ZNF518B: variants seen among roughly 807,000 people sequenced by gnomAD.
The protein encoded by ZNF518B is zinc finger protein 518B.
In ZNF518B, 23 loss-of-function variants were observed where a neutral mutation model predicts 56.3. The observed-to-expected ratio is 0.41, with a 90% CI of 0.29 to 0.58. The LOEUF is 0.58. Ranked by LOEUF, ZNF518B falls within the 20% of genes least tolerant of loss-of-function variation. ZNF518B has a pLI of 0.32. For synonymous variants in ZNF518B, 529 were observed against 465.9 expected (o/e 1.14, Z -1.74); for missense variants, 1,460 against 1,272.1 (o/e 1.15, Z -2.25).
chr4:10,461,335 G>A (rs1239466882), upstream of ZNF518B, among the ~76,000 whole-genome samples: 1 of 152,184 alleles, frequency 6.6e-6, no homozygotes, highest in South Asian at 2.1e-4. Flanking sequence ...CGGCCGCCGC[G>A]GCTGCCGCGG....
chr4:10,458,143 G>T (rs965694434), upstream of ZNF518B, among the ~76,000 whole-genome samples: 3 of 152,096 alleles, frequency 2.0e-5, no homozygotes, highest in African/African-American at 7.2e-5. Context: ...CTGCATCTAC[G>T]GTCCGGAAGG....
intron 2 of ZNF518B, among the ~76,000 whole-genome samples, chr4:10,448,769 G>A (rs1429179006): frequency 6.6e-6 from 1 of 152,090 alleles, no homozygotes; most frequent in Admixed American, 6.5e-5. Flanking sequence ...CAATACATGG[G>A]CAAAGATAAG....
rs1714907133 is a variant in ZNF518B at position 10,444,771 on chromosome 4, A to G, written c.1558T>C (p.Leu520=). 6.2e-7 allele frequency: 1 copy of G among 1,613,748 alleles called. No individual in the cohort carries two copies. Among genetic ancestry groups the G allele is most frequent in the Non-Finnish European group, 8.5e-7 (1 of 1,179,794 alleles). ...AVCFAESGRN[L]HSSSQQLLPF... The stretch of plus-strand genomic sequence containing the variant: ...AGTAACTGCTGTGAGCTACTGTGTA[A>G]ATTTCTTCCACTTTCAGCAAAACAA... The change falls in exon 3 of 3, where the codon TTA becomes CTA. Residue 520 remains leucine, a synonymous_variant. Coordinates refer to ENST00000326756, the MANE Select transcript of ZNF518B (RefSeq NM_053042.3).
chr4:10,452,634 A>G (rs563079912), intron 2 of ZNF518B: 65 of 152,346 alleles, frequency 4.3e-4, no homozygotes, highest in Admixed American at 3.6e-3. Context: ...CATCTGGGCC[A>G]TAACTGAATT....
rs1006751980 is a variant in ZNF518B at position 10,440,991 on chromosome 4, T to G, written c.*2113A>C. 1 of 152,590 alleles carries G rather than the reference T, an allele frequency of 6.6e-6. No individual in the cohort carries two copies. Among genetic ancestry groups the G allele is most frequent in the Admixed American group, 6.5e-5 (1 of 15,278 alleles). 9.5% of individuals were successfully genotyped at this position (152,590 alleles called of 1,614,324 possible). A position where few individuals can be genotyped will look rare whatever the true frequency, so the allele number is the denominator to read the frequency against. ...ACTTCGAATGCTCTACGTAGTGAAG[T>G]GGTACCAAAGATCTACTTCCTAAAA... On this transcript the variant is annotated 3_prime_UTR_variant, in exon 3 of 3. Coordinates refer to ENST00000326756, the MANE Select transcript of ZNF518B (RefSeq NM_053042.3).
In ZNF518B at chr4:10,445,570, T is replaced by G. The variant is rs73224493; in HGVS notation, c.759A>C (p.Gln253His). The change falls in exon 3 of 3, where the codon CAA (glutamine) becomes CAC (histidine). Residue 253 changes from glutamine to histidine, a missense_variant. By Grantham distance (24) the Gln-to-His change is conservative (BLOSUM62 0). Transcript: ENST00000326756. ...LKASNPRTTF[Q>H]NKWSDQLSGF... ...CTGACAGTTGGTCTGACCACTTATT[T>G]TGAAATGTAGTCCGTGGATTGGAAG... 30,300 of 1,614,130 alleles carry G rather than the reference T, an allele frequency of 0.019. 323 individuals carry two copies. Among genetic ancestry groups the G allele is most frequent in the Non-Finnish European group, 0.021 (25,163 of 1,179,998 alleles).
chr4:10,443,526 TAATC>T lies in ZNF518B; in HGVS notation c.2799_2802del (p.Ile934SerfsTer12), dbSNP rs749411968. On this transcript the variant is annotated frameshift_variant, in exon 3 of 3. Transcript: ENST00000326756. LOFTEE classifies it high-confidence loss of function. ...ACTGGCTGGTTCCGACGGGGACACTTAATCAACTGATCTGGCTTAGCTGCTATCA... is the reference window on the plus strand; with the variant it reads ...ACTGGCTGGTTCCGACGGGGACACTTAACTGATCTGGCTTAGCTGCTATCA... The T allele has an allele frequency of 6.2e-7, 1 of 1,614,040 alleles. No homozygotes were observed. The highest frequency in any genetic ancestry group is 8.5e-7 in the Non-Finnish European group (1 of 1,179,860).
intron 2 of ZNF518B, among the ~76,000 whole-genome samples, chr4:10,449,148 T>A (rs1197700309): frequency 6.6e-6 from 1 of 152,196 alleles, no homozygotes; most frequent in Non-Finnish European, 1.5e-5. Context: ...GCCTAAGGAA[T>A]GAAAAGGCTT....
rs1209715444 is a variant in ZNF518B at position 10,443,042 on chromosome 4, G to A, written c.*62C>T. On this transcript the variant is annotated 3_prime_UTR_variant, in exon 3 of 3. Transcript: ENST00000326756. The stretch of plus-strand genomic sequence containing the variant: ...TCTGTATTTCTTCTACTGAATCTTG[G>A]TGGAGGGACTCCAAACCAGAATAAA... 6.4e-6 allele frequency: 9 copies of A among 1,417,216 alleles called. No individual in the cohort carries two copies. The highest frequency in any genetic ancestry group is 1.3e-5 in the South Asian group (1 of 74,614). 87.8% of individuals were successfully genotyped at this position (1,417,216 alleles called of 1,614,324 possible).
chr4:10,460,561 G>C (rs1285629098), upstream of ZNF518B, among the ~76,000 whole-genome samples: 3 of 152,142 alleles, frequency 2.0e-5, no homozygotes, highest in Non-Finnish European at 4.4e-5. Context: ...CAAAGGCCCT[G>C]AGGTGGGCGC....
upstream of ZNF518B, among the ~76,000 whole-genome samples, chr4:10,460,325 C>A (rs4698057): frequency 0.16 from 9,155 of 56,398 alleles, 2,006 homozygotes; most frequent in South Asian, 0.21. Flanking sequence ...AAAAAAAAAC[C>A]AAAAAAAAAA....
Position 10,443,252 on chromosome 4 carries a change from G to C in ZNF518B, c.3077C>G (p.Ser1026Cys). 6.2e-7 allele frequency: 1 copy of C among 1,614,152 alleles called. No homozygotes were observed. The highest frequency in any genetic ancestry group is 8.5e-7 in the Non-Finnish European group (1 of 1,180,028). ...ACACTGTGAAGAATCATCAGGCAAG[G>C]AATCCACTACCTGGTAGTTGTTTTT... is the stretch of plus-strand genomic sequence containing the variant. Reference protein sequence around the residue: ...VHKNNYQVVDSLPDDSSQCVF... With the variant: ...VHKNNYQVVDCLPDDSSQCVF... Residue 1026 changes from serine (S) to cysteine (C), a missense_variant, in exon 3 of 3, where the codon TCC becomes TGC. Physicochemically the swap from Ser to Cys is moderately radical, Grantham distance 112 (BLOSUM62 -1). Coordinates refer to ENST00000326756, the MANE Select transcript of ZNF518B (RefSeq NM_053042.3).
At position 10,446,391 on chromosome 4, in the gene ZNF518B, TAGG is replaced by T; in HGVS notation, c.-66_-64del. 1 of 1,479,198 alleles carries T rather than the reference TAGG, an allele frequency of 6.8e-7. No homozygotes were observed. Among genetic ancestry groups the T allele is most frequent in the Admixed American group, 1.8e-5 (1 of 55,772 alleles). The allele number at this position is 1,479,198 out of a possible 1,614,324, so 91.6% of individuals were successfully genotyped here. A position where few individuals can be genotyped will look rare whatever the true frequency, so the allele number is the denominator to read the frequency against. Reference sequence around the variant, plus strand: ...GAAAGTTTTCACATGATAAAATCCTTAGGAGATATCCTTCTATACAGTTTGTGA... The same window carrying T: ...GAAAGTTTTCACATGATAAAATCCTTAGATATCCTTCTATACAGTTTGTGA... On this transcript the variant is annotated 5_prime_UTR_variant, in exon 3 of 3. Coordinates refer to ENST00000326756, the MANE Select transcript of ZNF518B (RefSeq NM_053042.3).
intron 2 of ZNF518B, chr4:10,454,260 A>C (rs1715440686): frequency 6.6e-6 from 1 of 152,224 alleles, no homozygotes; most frequent in South Asian, 2.1e-4. Context: ...TGACCTTGGA[A>C]ACACCAATGA....
In ZNF518B at chr4:10,446,451, T is replaced by A. The variant is rs1378195627; in HGVS notation, c.-123A>T. 3.4e-6 allele frequency: 3 copies of A among 878,312 alleles called. No homozygotes were observed. In the East Asian group the frequency reaches 7.4e-5, roughly 22 times the overall value. 54.4% of individuals were successfully genotyped at this position (878,312 alleles called of 1,614,324 possible). A position where few individuals can be genotyped will look rare whatever the true frequency, so the allele number is the denominator to read the frequency against. On this transcript the variant is annotated 5_prime_UTR_variant, in exon 3 of 3. An upstream start codon of the reference 5' UTR is lost. Coordinates refer to ENST00000326756, the MANE Select transcript of ZNF518B (RefSeq NM_053042.3). ...GGGGCGCAGCTACTTCTTGGGTGCA[T>A]ACTTAATTATCTTTCTTTATATACT...
rs1207339828 is a variant in ZNF518B, at chr4:10,440,052, C to T, written c.*3052G>A. ...AATGTTTTGTTTCTGCTCATATAGACATTTACAGATTTAAAAATTATTCCA... is the reference window on the plus strand; with the variant it reads ...AATGTTTTGTTTCTGCTCATATAGATATTTACAGATTTAAAAATTATTCCA... On this transcript the variant is annotated 3_prime_UTR_variant, in exon 3 of 3. Transcript: ENST00000326756. 6.6e-6 allele frequency: 1 copy of T among 152,618 alleles called. No homozygotes were observed. Among genetic ancestry groups the T allele is most frequent in the Non-Finnish European group, 1.5e-5 (1 of 68,042 alleles). 9.5% of individuals were successfully genotyped at this position (152,618 alleles called of 1,614,324 possible).
Position 10,443,282 on chromosome 4 carries a change from A to C in ZNF518B, c.3047T>G (p.Val1016Gly), listed in dbSNP as rs1290946149. Residue 1016 changes from valine to glycine, a missense_variant, in exon 3 of 3, where the codon GTT becomes GGT. By Grantham distance (109) the Val-to-Gly change is moderately radical (BLOSUM62 -3). Coordinates refer to ENST00000326756, the MANE Select transcript of ZNF518B (RefSeq NM_053042.3). ...QMMLKMKLKK[V>G]HKNNYQVVDS... ...CACTACCTGGTAGTTGTTTTTATGAACTTTTTTGAGTTTCATTTTCAACAT... is the reference window on the plus strand; with the variant it reads ...CACTACCTGGTAGTTGTTTTTATGACCTTTTTTGAGTTTCATTTTCAACAT... 3 of 1,614,088 alleles carry C rather than the reference A, an allele frequency of 1.9e-6. No homozygotes were observed. The South Asian group carries it at 3.3e-5, about 18-fold the overall frequency.
At chr4:10,449,601 C>T (rs1577225238) in intron 2 of ZNF518B, among the ~76,000 whole-genome samples, 1 of 152,172 alleles carries the variant, frequency 6.6e-6, no homozygotes. Context: ...TCCTCTTGGT[C>T]AACCAGTTAC....
upstream of ZNF518B, among the ~76,000 whole-genome samples, chr4:10,461,314 C>G (rs1308873902): frequency 6.6e-6 from 1 of 152,236 alleles, no homozygotes; most frequent in Admixed American, 6.5e-5. Flanking sequence ...TCCTGGCCCG[C>G]ACACTCAGCT....
Sources: gnomAD v4.1 joint callset for allele counts (sites outside exome capture counted in the v4.1 genomes callset) on GRCh38, gnomAD v4.1.1 for gene constraint, MANE v1.5 for transcripts, NCBI Gene and HGNC (gene_info 2026-07-23, HGNC 2026-07-21) for gene names.